PRB4: variants seen among roughly 807,000 people sequenced by gnomAD.
PRB4 encodes basic salivary proline-rich protein 4.
PRB4 carries 14 observed loss-of-function variants against 9.1 expected under a neutral mutation model. The observed-to-expected ratio is 1.54, with a 90% CI of 1.02 to 2.41. The LOEUF (loss-of-function observed/expected upper bound fraction) is 2.41. PRB4 is among the 30% of genes most tolerant of loss of function. PRB4 has a pLI of 0.00. For synonymous variants in PRB4, 102 were observed against 108.5 expected (o/e 0.94, Z 0.37); for missense variants, 381 against 299.3 (o/e 1.27, Z -2.02).
At chr12:11,309,656 C>T (rs1268407461) in intron 1 of PRB4, among the ~76,000 whole-genome samples, 2 of 152,188 alleles carry the variant, frequency 1.3e-5, no homozygotes, top group African/African-American at 2.4e-5. Context: ...TCCCTCAAGA[C>T]TTAATGCTTA....
chr12:11,307,142 TC>T lies in PRB4; in HGVS notation c.*75del, dbSNP rs1862929538. 1 of 154,234 alleles carries T rather than the reference TC, an allele frequency of 6.5e-6. No individual in the cohort carries two copies. Among genetic ancestry groups the T allele is most frequent in the South Asian group, 2.0e-4 (1 of 4,900 alleles). 9.6% of individuals were successfully genotyped at this position (154,234 alleles called of 1,614,324 possible). ...GAGCTATGATGACCTTGTTCCAATG[TC>T]ACGGCATTTGTAGCAATTGAATTAT... On this transcript the variant is annotated 3_prime_UTR_variant, in exon 4 of 4. Coordinates refer to ENST00000279575, the MANE Select transcript of PRB4 (RefSeq NM_002723.6).
At chr12:11,310,302 C>G in intron 1 of PRB4, 33 bp downstream of exon 1, 1 of 1,613,208 alleles carries the variant, frequency 6.2e-7, no homozygotes, top group Non-Finnish European at 8.5e-7. Flanking sequence ...AAGTCCCAAG[C>G]AGTCACCGCA....
At position 11,310,370 on chromosome 12, in the gene PRB4, A is replaced by C. The variant is rs752033661; in HGVS notation, c.29T>G (p.Leu10Arg). 6.2e-7 allele frequency: 1 copy of C among 1,614,224 alleles called. No individual in the cohort carries two copies. The highest frequency in any genetic ancestry group is 1.7e-5 in the Admixed American group (1 of 60,022). The change falls in exon 1 of 4, where the codon CTG becomes CGG. Residue 10 changes from leucine (L) to arginine (R), a missense_variant. Transcript: ENST00000279575. ...ACTCTCAGCTGAGCTCAGGGCCAGC[A>C]GGGCCACTGACAGCAGAATCAGCAG... Reference protein sequence around the residue: MLLILLSVALLALSSAESSS... With the variant: MLLILLSVARLALSSAESSS...
At position 11,310,360 on chromosome 12, in the gene PRB4, C is replaced by G. The variant is rs1467491662; in HGVS notation, c.39G>C (p.Leu13=). The change falls in exon 1 of 4, where the codon CTG becomes CTC. Residue 13 remains leucine (L), a synonymous_variant. Transcript: ENST00000279575. ...CTTCACTTGAACTCTCAGCTGAGCT[C>G]AGGGCCAGCAGGGCCACTGACAGCA... ...LILLSVALLA[L]SSAESSSEDV... 5.0e-6 allele frequency: 8 copies of G among 1,614,108 alleles called. No individual in the cohort carries two copies. Among genetic ancestry groups the G allele is most frequent in the African/African-American group, 1.3e-5 (1 of 74,930 alleles).
chr12:11,309,465 G>T, intron 1 of PRB4, 60 bp from the exon 2 acceptor site: 1 of 1,613,702 alleles, frequency 6.2e-7, no homozygotes, highest in East Asian at 2.2e-5. Context: ...AGACTCACAA[G>T]TGTTCTACAG....
chr12:11,308,856 C>A lies in PRB4; in HGVS notation c.127G>T (p.Gly43Ter). Residue 43 changes from glycine (G) to a stop codon, truncating the protein, a stop_gained, in exon 3 of 4, where the codon GGA becomes TGA. Transcript: ENST00000279575. LOFTEE classifies it high-confidence loss of function. ...SGKPEGRRPQGGNQPQRPPPP... is the reference protein window; with the variant it reads ...SGKPEGRRPQ ...GGGGGACGTTGGGGCTGGTTTCCTC[C>A]TTGTGGGCGTCGTCCTTCTGGCTTT... is the stretch of plus-strand genomic sequence containing the variant. 6.3e-7 allele frequency: 1 copy of A among 1,592,558 alleles called. No homozygotes were observed. Among genetic ancestry groups the A allele is most frequent in the South Asian group, 1.1e-5 (1 of 90,080 alleles).
intron 1 of PRB4, 109 bp from the exon 2 acceptor site, chr12:11,309,514 G>C: frequency 1.3e-6 from 2 of 1,597,008 alleles, no homozygotes; most frequent in Non-Finnish European, 1.7e-6. Flanking sequence ...GCATCCCCTA[G>C]GTTAACTCAT....
intron 1 of PRB4, 44 bp from the exon 2 acceptor site, chr12:11,309,449 T>C (rs760725775): frequency 6.2e-7 from 1 of 1,613,968 alleles, no homozygotes; most frequent in Non-Finnish European, 8.5e-7. Context: ...ACATCTCAAA[T>C]CTTCAAGACT....
chr12:11,310,308 C>T (rs1252893603), intron 1 of PRB4, 27 bp downstream of exon 1: 6 of 1,613,718 alleles, frequency 3.7e-6, no homozygotes, highest in Non-Finnish European at 5.1e-6. Flanking sequence ...CAAGCAGTCA[C>T]CGCATCTTTT....
In PRB4 at chr12:11,308,230, A is replaced by C; in HGVS notation, c.*9T>G. On this transcript the variant is annotated 3_prime_UTR_variant, in exon 3 of 4. Coordinates refer to ENST00000279575, the MANE Select transcript of PRB4 (RefSeq NM_002723.6). ...TAAAGTGGAATCATACCTGTCATTG[A>C]ATCCTAGATTACTGGGGAGGCTGTT... is the stretch of plus-strand genomic sequence containing the variant. The C allele has an allele frequency of 6.2e-7, 1 of 1,608,528 alleles. No individual in the cohort carries two copies. The highest frequency in any genetic ancestry group is 8.5e-7 in the Non-Finnish European group (1 of 1,177,872).
At position 11,308,862 on chromosome 12, in the gene PRB4, G is replaced by A; in HGVS notation, c.121C>T (p.Pro41Ser). The A allele has an allele frequency of 1.3e-6, 2 of 1,592,972 alleles. No individual in the cohort carries two copies. The highest frequency in any genetic ancestry group is 1.7e-6 in the Non-Finnish European group (2 of 1,166,446). The change falls in exon 3 of 4, where the codon CCA becomes TCA. Residue 41 changes from proline to serine, a missense_variant. Transcript: ENST00000279575. ...CGTTGGGGCTGGTTTCCTCCTTGTG[G>A]GCGTCGTCCTTCTGGCTTTCCTGGA... ...LISGKPEGRRPQGGNQPQRPP... is the reference protein window; with the variant it reads ...LISGKPEGRRSQGGNQPQRPP...
At chr12:11,307,919 G>A (rs1352429666) in intron 3 of PRB4, among the ~76,000 whole-genome samples, 1 of 152,176 alleles carries the variant, frequency 6.6e-6, no homozygotes, top group Non-Finnish European at 1.5e-5. Context: ...CTTTAAATGG[G>A]AGGTCTCTGA....
intron 3 of PRB4, among the ~76,000 whole-genome samples, chr12:11,307,861 G>A (rs189063606): frequency 3.9e-4 from 59 of 152,320 alleles, no homozygotes; most frequent in Admixed American, 7.8e-4. Flanking sequence ...TACTGGACTC[G>A]AGAGGCTGGT....
chr12:11,308,900 C>A lies in PRB4; in HGVS notation c.101-18G>T. 8 of 1,597,814 alleles carry A rather than the reference C, an allele frequency of 5.0e-6. No homozygotes were observed. Among genetic ancestry groups the A allele is most frequent in the Non-Finnish European group, 5.1e-6 (6 of 1,169,796 alleles). On this transcript the variant is annotated intron_variant, in intron 2 of 3. Transcript: ENST00000279575. ...TGGCTTTCCTGGAGGAGGTGGGGGA[C>A]ATACGGCATTCACTGAATAGTTGCC...
Position 11,308,619 on chromosome 12 carries a change from T to A in PRB4, c.364A>T (p.Arg122Ter), listed in dbSNP as rs11054244. Residue 122 changes from arginine (R) to a stop codon, truncating the protein, a stop_gained, in exon 3 of 4, where the codon AGA becomes TGA. Transcript: ENST00000279575. LOFTEE classifies it low-confidence loss of function (END_TRUNC). ...GTPPPPGKPE[R>*]PPPQGGNQSH... ...TGGTTGCCTCCTTGTGGGGGTGGTC[T>A]TTCTGGCTTTCCTGGAGGAGGTGGG... is the stretch of plus-strand genomic sequence containing the variant. The A allele has an allele frequency of 2.3e-5, 7 of 299,064 alleles. No individual in the cohort carries two copies. The highest frequency in any genetic ancestry group is 4.9e-5 in the South Asian group (1 of 20,298). 18.5% of individuals were successfully genotyped at this position (299,064 alleles called of 1,614,324 possible). A position where few individuals can be genotyped will look rare whatever the true frequency, so the allele number is the denominator to read the frequency against.
chr12:11,308,967 A>G (rs1862991170), intron 2 of PRB4, 85 bp from the exon 3 acceptor site: 2 of 1,550,018 alleles, frequency 1.3e-6, no homozygotes, highest in Admixed American at 1.7e-5. Context: ...GAAATGCACA[A>G]AAATGAGACC....
rs1402464802 is a variant in PRB4 at position 11,308,450 on chromosome 12, G to A, written c.533C>T (p.Ser178Phe). 1 of 1,613,978 alleles carries A rather than the reference G, an allele frequency of 6.2e-7. No homozygotes were observed. The highest frequency in any genetic ancestry group is 1.1e-5 in the South Asian group (1 of 91,066). The change falls in exon 3 of 4, where the codon TCT becomes TTT. Residue 178 changes from serine to phenylalanine, a missense_variant. By Grantham distance (155) the Ser-to-Phe change is radical. Around this residue, in one of 3 missense-constraint regions of PRB4, gnomAD observed 204 missense variants for 134.4 expected, o/e 1.52. Coordinates refer to ENST00000279575, the MANE Select transcript of PRB4 (RefSeq NM_002723.6). Reference sequence around the variant, plus strand: ...TGGTCCTTGTGGCTTTCCTGGAGGAGATCGGGCACTTCGGGACTTGTTTCC... The same window carrying A: ...TGGTCCTTGTGGCTTTCCTGGAGGAAATCGGGCACTTCGGGACTTGTTTCC... ...QEGNKSRSAR[S>F]PPGKPQGPPQ...
intron 2 of PRB4, 137 bp downstream of exon 2, chr12:11,309,233 G>A (rs1862997400): frequency 1.4e-6 from 2 of 1,441,058 alleles, no homozygotes; most frequent in Admixed American, 1.8e-5. Flanking sequence ...TTTGCATGAA[G>A]ATTGCCTATA....
At chr12:11,308,974 G>A in intron 2 of PRB4, 92 bp from the exon 3 acceptor site, 1 of 1,534,570 alleles carries the variant, frequency 6.5e-7, no homozygotes, top group Non-Finnish European at 9.0e-7. Flanking sequence ...ACAAAAATGA[G>A]ACCCAGATAC....
Sources: allele counts gnomAD v4.1 joint callset (sites outside exome capture counted in the v4.1 genomes callset), GRCh38; gene constraint gnomAD v4.1.1; regional missense constraint gnomAD v4.1.1; transcripts MANE v1.5; gene names NCBI Gene and HGNC (gene_info 2026-07-23, HGNC 2026-07-21).